COL4A4: variants seen among roughly 807,000 people sequenced by gnomAD.
COL4A4 encodes the protein collagen type IV alpha 4 chain.
Under a neutral mutation model 192.9 loss-of-function variants are expected in COL4A4, and 105 were observed. That is an observed-to-expected ratio of 0.54 (90% CI 0.46 to 0.64). COL4A4 has a LOEUF of 0.64. Among genes scored for constraint, COL4A4 ranks in the 30% least tolerant of loss-of-function variants. The pLI, the probability that COL4A4 is intolerant of heterozygous loss-of-function variation, is 0.00. For missense variants in COL4A4, 1,967 were observed against 2,169.3 expected, an observed-to-expected ratio of 0.91 and a Z score of 1.85; for synonymous variants, 762 against 769.9, an observed-to-expected ratio of 0.99 and a Z score of 0.17.
At chr2:227,047,833 A>C (rs939122335) in intron 34 of COL4A4, among the ~76,000 whole-genome samples, 50 of 151,924 alleles carry the variant, frequency 3.3e-4, no homozygotes, top group African/African-American at 1.2e-3. Context: ...GTCCTGAAAA[A>C]ATTTTCAACT....
intron 8 of COL4A4, among the ~76,000 whole-genome samples, chr2:227,113,573 G>T (rs2061336914): frequency 6.6e-6 from 1 of 151,392 alleles, no homozygotes; most frequent in Non-Finnish European, 1.5e-5. Flanking sequence ...GGCTGAGGAG[G>T]TTAAGGGAGT....
At chr2:227,130,570 C>A (rs2062386341) in intron 4 of COL4A4, among the ~76,000 whole-genome samples, 1 of 152,158 alleles carries the variant, frequency 6.6e-6, no homozygotes, top group South Asian at 2.1e-4. Flanking sequence ...TTTGGAGTCT[C>A]CCCCAGAGCT....
intron 34 of COL4A4, 43 bp downstream of exon 34, chr2:227,050,025 G>T (rs757067200): frequency 6.4e-7 from 1 of 1,558,094 alleles, no homozygotes; most frequent in Non-Finnish European, 8.9e-7. Context: ...AAACATTCGG[G>T]ACTATGCATT....
chr2:226,983,395 G>T, the COL4A4 span, among the ~76,000 whole-genome samples: 2 of 152,182 alleles, frequency 1.3e-5, no homozygotes, highest in African/African-American at 4.8e-5. Flanking sequence ...GGCCAGTTAT[G>T]TGGTTCACTT....
At chr2:227,046,399 GT>G (rs1972874654) in intron 35 of COL4A4, among the ~76,000 whole-genome samples, 1 of 151,830 alleles carries the variant, frequency 6.6e-6, no homozygotes, top group Admixed American at 6.6e-5. Flanking sequence ...CACAAACCTG[GT>G]TTCTAACCTG....
At chr2:227,075,053 C>A (rs1391067655) in intron 25 of COL4A4, among the ~76,000 whole-genome samples, 1 of 152,156 alleles carries the variant, frequency 6.6e-6, no homozygotes, top group African/African-American at 2.4e-5. Context: ...GATGGATTCA[C>A]AGCCGAAGTT....
chr2:227,041,864 A>AGAGAG (rs1559478704), intron 37 of COL4A4, among the ~76,000 whole-genome samples: 41 of 109,432 alleles, frequency 3.7e-4, no homozygotes, highest in African/African-American at 1.6e-3. Flanking sequence ...GAAAGAAAGA[A>AGAGAG]AGAAAGAAAG....
intron 30 of COL4A4, among the ~76,000 whole-genome samples, 193 bp downstream of exon 30, chr2:227,055,752 T>C (rs771585945): frequency 6.6e-6 from 1 of 151,992 alleles, no homozygotes; most frequent in Non-Finnish European, 1.5e-5. Flanking sequence ...CCTTTTCCCA[T>C]TGACCGGTAC....
In COL4A4 at chr2:227,007,051, T is replaced by C. The variant is rs1962287859; in HGVS notation, c.*274A>G. 4.0e-6 allele frequency: 2 copies of C among 504,468 alleles called. No individual in the cohort carries two copies. Among genetic ancestry groups the C allele is most frequent in the Non-Finnish European group, 7.2e-6 (2 of 276,204 alleles). 31.2% of individuals were successfully genotyped at this position (504,468 alleles called of 1,614,324 possible). The stretch of plus-strand genomic sequence containing the variant: ...ATCATCTACTTGCCTTTCTGAGAAT[T>C]AGCATATTTTTAAGTAAAGCCAGTT... On this transcript the variant is annotated 3_prime_UTR_variant, in exon 48 of 48. Coordinates refer to ENST00000396625, the MANE Select transcript of COL4A4 (RefSeq NM_000092.5).
rs961697131 is a variant in COL4A4, at chr2:227,066,520, G to A, written c.1988-3922C>T. On this transcript the variant is annotated intron_variant, in intron 25 of 47. Coordinates refer to ENST00000396625, the MANE Select transcript of COL4A4 (RefSeq NM_000092.5). The stretch of plus-strand genomic sequence containing the variant: ...CCATCAGACTAACAGTGGATCTTTC[G>A]GCAGAAACTCTACAAGCCAGAAGAG... Among the ~76,000 whole-genome samples the A allele has an allele frequency of 3.3e-5, 5 of 152,090 alleles. 1 individual carries two copies. Among genetic ancestry groups the A allele is most frequent in the East Asian group, 3.8e-4 (2 of 5,196 alleles).
intron 35 of COL4A4, among the ~76,000 whole-genome samples, chr2:227,045,782 ACATATATATATAT>A (rs1465400991): frequency 7.5e-4 from 75 of 99,368 alleles, no homozygotes; most frequent in African/African-American, 4.0e-3. Flanking sequence ...AAAAAAAAAT[ACATATATATATAT>A]ATACACATAT....
intron 9 of COL4A4, chr2:227,109,528 C>A (rs1440491597): frequency 6.0e-6 from 4 of 663,180 alleles, no homozygotes; most frequent in Non-Finnish European, 1.1e-5. Flanking sequence ...TGGGGCAGAT[C>A]ACGAGGTCAG....
intron 7 of COL4A4, among the ~76,000 whole-genome samples, chr2:227,116,165 T>C (rs2061483395): frequency 6.6e-6 from 1 of 152,158 alleles, no homozygotes. Context: ...TAACAATGTA[T>C]TGGAAAACAG....
At chr2:226,968,664 CAT>C in the COL4A4 span, among the ~76,000 whole-genome samples, 5 of 152,316 alleles carry the variant, frequency 3.3e-5, no homozygotes, top group South Asian at 2.1e-4. Context: ...CTCTCCGAAA[CAT>C]GTGCCATTTG....
In COL4A4 at chr2:227,003,441, C is replaced by A. The variant is rs942928845; in HGVS notation, c.*3884G>T. The A allele has an allele frequency of 2.6e-5, 4 of 152,172 alleles. No homozygotes were observed. The highest frequency in any genetic ancestry group is 4.4e-5 in the Non-Finnish European group (3 of 68,042). 9.4% of individuals were successfully genotyped at this position (152,172 alleles called of 1,614,324 possible). On this transcript the variant is annotated 3_prime_UTR_variant, in exon 48 of 48. Coordinates refer to ENST00000396625, the MANE Select transcript of COL4A4 (RefSeq NM_000092.5). ...AAAAATGACTAAGCCAGATTTCAAA[C>A]CTGGGTTCGACCAACTCTCAAGTCC...
chr2:227,046,065 A>ATACATATATATATTTAGATATATATG (rs1333186856), intron 35 of COL4A4, among the ~76,000 whole-genome samples: 2 of 138,278 alleles, frequency 1.4e-5, no homozygotes, highest in Admixed American at 7.5e-5. Flanking sequence ...CTAAACATAT[A>ATACATATATATATTTAGATATATATG]TACATATATA....
intron 28 of COL4A4, 68 bp downstream of exon 28, chr2:227,059,337 G>A (rs768674965): frequency 9.2e-6 from 12 of 1,297,818 alleles, no homozygotes; most frequent in East Asian, 4.6e-5. Flanking sequence ...TAATCTAAAC[G>A]TTCTTCAGTG....
chr2:227,150,824 C>T (rs1214353983), intron 1 of COL4A4, among the ~76,000 whole-genome samples: 1 of 152,070 alleles, frequency 6.6e-6, no homozygotes, highest in Non-Finnish European at 1.5e-5. Flanking sequence ...TCCACCTGGT[C>T]CCACCCTTGA....
chr2:226,974,898 C>G, the COL4A4 span, among the ~76,000 whole-genome samples: 1 of 152,146 alleles, frequency 6.6e-6, no homozygotes, highest in Non-Finnish European at 1.5e-5. Flanking sequence ...TCTTGGTGCT[C>G]CCATTACCAT....
Sources: gnomAD v4.1 joint callset for allele counts (sites outside exome capture counted in the v4.1 genomes callset) on GRCh38, gnomAD v4.1.1 for gene constraint, MANE v1.5 for transcripts, NCBI Gene and HGNC (gene_info 2026-07-23, HGNC 2026-07-21) for gene names.